Variants in GAN observed in about 807,000 individuals in gnomAD.
The protein encoded by GAN is epididymis secretory sperm binding protein.
Under a neutral mutation model 71.3 loss-of-function variants are expected in GAN, and 48 were observed. That is an observed-to-expected ratio of 0.67 (90% CI 0.53 to 0.86). GAN has a LOEUF of 0.86. GAN is among the 40% of genes least tolerant of loss of function. The pLI is 0.00. For missense variants in GAN, 928 were observed against 770.1 expected, an observed-to-expected ratio of 1.21 and a Z score of -2.43; for synonymous variants, 386 against 276.8, an observed-to-expected ratio of 1.39 and a Z score of -3.92.
chr16:81,353,334 A>T (rs1490165298), intron 2 of GAN, among the ~76,000 whole-genome samples: 2 of 152,112 alleles, frequency 1.3e-5, no homozygotes, highest in Non-Finnish European at 1.5e-5. Flanking sequence ...GTTATAACAA[A>T]CTCCTGAATT....
At chr16:81,367,255 G>A (rs1910889792) in intron 9 of GAN, among the ~76,000 whole-genome samples, 1 of 152,104 alleles carries the variant, frequency 6.6e-6, no homozygotes, top group Non-Finnish European at 1.5e-5. Flanking sequence ...AGGTGCACTG[G>A]CTCCAGGCTA....
chr16:81,383,280 T>G lies in GAN; in HGVS notation c.*5684T>G, dbSNP rs1904317362. The G allele has an allele frequency of 7.7e-6, 1 of 129,400 alleles. No homozygotes were observed. The highest frequency in any genetic ancestry group is 3.0e-5 in the African/African-American group (1 of 33,040). 8.0% of individuals were successfully genotyped at this position (129,400 alleles called of 1,614,324 possible). A position where few individuals can be genotyped will look rare whatever the true frequency, so the allele number is the denominator to read the frequency against. ...TTTTTTTTTTTTTTTTGAGACGGAG[T>G]CTCGCTCTGTCGCCTAGGCTGGAGT... On this transcript the variant is annotated 3_prime_UTR_variant, in exon 11 of 11. Coordinates refer to ENST00000648994, the MANE Select transcript of GAN (RefSeq NM_022041.4).
chr16:81,355,342 A>G lies in GAN; in HGVS notation c.633+587A>G, dbSNP rs145345477. 2.8e-3 allele frequency among the ~76,000 whole-genome samples: 428 copies of G among 152,276 alleles called. 1 individual carries two copies. Among genetic ancestry groups the G allele is most frequent in the African/African-American group, 9.9e-3 (413 of 41,556 alleles). On this transcript the variant is annotated intron_variant, in intron 3 of 10. Coordinates refer to ENST00000648994, the MANE Select transcript of GAN (RefSeq NM_022041.4). ...AAATTGTGAATACCTTGGAGGAAGG[A>G]GCAAAATCACAGGACTTGAGGGTTT... is the stretch of plus-strand genomic sequence containing the variant.
At chr16:81,328,384 T>C (rs1394770074) in intron 1 of GAN, among the ~76,000 whole-genome samples, 1 of 152,274 alleles carries the variant, frequency 6.6e-6, no homozygotes, top group Non-Finnish European at 1.5e-5. Flanking sequence ...TAGCTGTTAT[T>C]ACATCATATT....
rs369828693 is a variant in GAN at position 81,390,371 on chromosome 16, T to A, written c.*12775T>A. The A allele has an allele frequency of 6.6e-6, 1 of 152,366 alleles. No homozygotes were observed. Among genetic ancestry groups the A allele is most frequent in the East Asian group, 1.9e-4 (1 of 5,196 alleles). The allele number at this position is 152,366 out of a possible 1,614,324, so 9.4% of individuals were successfully genotyped here. ...AGAAATTTAGCAGTCAGAAGTAATTTTTAATTAATAACCTTTCTTTTTAAA... is the reference window on the plus strand; with the variant it reads ...AGAAATTTAGCAGTCAGAAGTAATTATTAATTAATAACCTTTCTTTTTAAA... On this transcript the variant is annotated 3_prime_UTR_variant, in exon 11 of 11. Coordinates refer to ENST00000648994, the MANE Select transcript of GAN (RefSeq NM_022041.4).
chr16:81,356,197 A>G (rs1381827988), intron 3 of GAN, among the ~76,000 whole-genome samples: 1 of 152,098 alleles, frequency 6.6e-6, no homozygotes, highest in Non-Finnish European at 1.5e-5. Flanking sequence ...TTACATTTAT[A>G]AAATACTTTC....
intron 1 of GAN, among the ~76,000 whole-genome samples, chr16:81,340,312 A>C (rs189943675): frequency 6.6e-6 from 1 of 152,232 alleles, no homozygotes; most frequent in South Asian, 2.1e-4. Context: ...CTTAAAAAAA[A>C]TAATAAAACC....
rs1910079406 is a variant in GAN, at chr16:81,345,251, G to C, written c.168-6332G>C. ...TTTGACCCAGCAATCCCATTACTGG[G>C]CGTATACCCAAAGGATTGTAAATCA... On this transcript the variant is annotated intron_variant, in intron 1 of 10. Transcript: ENST00000648994. 2.0e-5 allele frequency among the ~76,000 whole-genome samples: 3 copies of C among 152,158 alleles called. No individual in the cohort carries two copies. The South Asian group carries it at 6.2e-4, about 32-fold the overall frequency.
In GAN at chr16:81,390,374, A is replaced by G. The variant is rs981146887; in HGVS notation, c.*12778A>G. 6.6e-6 allele frequency: 1 copy of G among 152,226 alleles called. No individual in the cohort carries two copies. The highest frequency in any genetic ancestry group is 2.4e-5 in the African/African-American group (1 of 41,462). 9.4% of individuals were successfully genotyped at this position (152,226 alleles called of 1,614,324 possible). A position where few individuals can be genotyped will look rare whatever the true frequency, so the allele number is the denominator to read the frequency against. On this transcript the variant is annotated 3_prime_UTR_variant, in exon 11 of 11. Coordinates refer to ENST00000648994, the MANE Select transcript of GAN (RefSeq NM_022041.4). ...AATTTAGCAGTCAGAAGTAATTTTT[A>G]ATTAATAACCTTTCTTTTTAAAAGT...
At chr16:81,377,005 A>G (rs561014808) in intron 9 of GAN, among the ~76,000 whole-genome samples, 2 of 152,352 alleles carry the variant, frequency 1.3e-5, no homozygotes, top group South Asian at 2.1e-4. Context: ...CATGCTGTTT[A>G]TGACTCAATA....
intron 1 of GAN, among the ~76,000 whole-genome samples, chr16:81,348,465 G>C (rs898975547): frequency 6.6e-6 from 1 of 151,890 alleles, no homozygotes; most frequent in African/African-American, 2.4e-5. Context: ...AGTCCTGTTT[G>C]CTTGATTTTA....
chr16:81,315,979 T>C (rs774486507), intron 1 of GAN, among the ~76,000 whole-genome samples: 20 of 152,236 alleles, frequency 1.3e-4, no homozygotes, highest in Non-Finnish European at 2.1e-4. Flanking sequence ...CTGTAGCGAA[T>C]TCTCAGGATG....
chr16:81,332,771 G>A (rs1013002440), intron 1 of GAN, among the ~76,000 whole-genome samples: 1 of 152,138 alleles, frequency 6.6e-6, no homozygotes, highest in African/African-American at 2.4e-5. Flanking sequence ...AATATCCCTT[G>A]TCTTGGTTTT....
chr16:81,324,287 G>C (rs991737954), intron 1 of GAN, among the ~76,000 whole-genome samples: 2 of 152,190 alleles, frequency 1.3e-5, no homozygotes, highest in African/African-American at 4.8e-5. Context: ...ACCTGGGGAG[G>C]TGAGCAGTAA....
chr16:81,378,383 T>G lies in GAN; in HGVS notation c.*787T>G, dbSNP rs531077993. ...CCGGGAAGGGTCTCCTGCAGTGCCA[T>G]TCTGCCTTCTCAATGAGCAAAACCA... On this transcript the variant is annotated 3_prime_UTR_variant, in exon 11 of 11. Coordinates refer to ENST00000648994, the MANE Select transcript of GAN (RefSeq NM_022041.4). The G allele has an allele frequency of 7.2e-5, 11 of 152,366 alleles. No individual in the cohort carries two copies. Among genetic ancestry groups the G allele is most frequent in the African/African-American group, 2.4e-4 (10 of 41,566 alleles). 9.4% of individuals were successfully genotyped at this position (152,366 alleles called of 1,614,324 possible).
intron 1 of GAN, among the ~76,000 whole-genome samples, chr16:81,341,296 C>T (rs766455895): frequency 1.3e-5 from 2 of 152,020 alleles, no homozygotes; most frequent in African/African-American, 2.4e-5. Flanking sequence ...ACAGAGAATG[C>T]CACAAAGATA....
In GAN at chr16:81,315,881, A is replaced by G. The variant is rs570488627; in HGVS notation, c.167+601A>G. On this transcript the variant is annotated intron_variant, in intron 1 of 10. Transcript: ENST00000648994. ...TGTTCTCCTTGGGTTGGTAGTCCGA[A>G]CCTCCGGGCGAAATTCTCCTTGCCA... Among the ~76,000 whole-genome samples, 102 of 152,334 alleles carry G rather than the reference A, an allele frequency of 6.7e-4. 1 individual carries two copies. The South Asian group carries it at 0.012, about 18-fold the overall frequency.
intron 1 of GAN, among the ~76,000 whole-genome samples, chr16:81,346,909 A>G (rs925980157): frequency 3.5e-4 from 53 of 152,322 alleles, no homozygotes; most frequent in African/African-American, 9.6e-4. Flanking sequence ...ACATCGTGCT[A>G]TTTGACAAAG....
intron 5 of GAN, among the ~76,000 whole-genome samples, chr16:81,360,359 A>G (rs186215649): frequency 3.9e-5 from 6 of 152,138 alleles, no homozygotes; most frequent in African/African-American, 9.6e-5. Flanking sequence ...GGTATTTATC[A>G]TTTTTCAGCA....
Sources: gnomAD v4.1 joint callset for allele counts (sites outside exome capture counted in the v4.1 genomes callset) on GRCh38, gnomAD v4.1.1 for gene constraint, MANE v1.5 for transcripts, NCBI Gene and HGNC (gene_info 2026-07-23, HGNC 2026-07-21) for gene names.